SLC17A1: variants seen among roughly 807,000 people sequenced by gnomAD.
SLC17A1 encodes solute carrier family 17 member 1, also known as sodium-dependent phosphate transport protein 1.
A neutral mutation model predicts 53.5 loss-of-function variants in SLC17A1; 51 were observed. The ratio of observed to expected loss-of-function variants is 0.95; its 90% CI spans 0.76 to 1.20. The LOEUF (loss-of-function observed/expected upper bound fraction) is 1.20. Among genes scored for constraint, SLC17A1 ranks in the 50% most tolerant of loss-of-function variants. SLC17A1 has a pLI of 0.00. For synonymous variants in SLC17A1, 179 were observed against 198.8 expected, an observed-to-expected ratio of 0.90 and a Z score of 0.84; for missense variants, 538 against 568.2, an observed-to-expected ratio of 0.95 and a Z score of 0.54.
the SLC17A1 span, chr6:25,768,317 C>T: frequency 1.0e-6 from 1 of 955,934 alleles, no homozygotes; most frequent in Non-Finnish European, 1.2e-6. Flanking sequence ...CATACATTAC[C>T]TCTGGGATTT....
chr6:25,831,458 A>T (rs1764945828), intron 1 of SLC17A1, among the ~76,000 whole-genome samples: 1 of 152,272 alleles, frequency 6.6e-6, no homozygotes, highest in Non-Finnish European at 1.5e-5. Flanking sequence ...CAATACATAT[A>T]TACATACACA....
chr6:25,813,665 C>A (rs1764239318), intron 6 of SLC17A1, among the ~76,000 whole-genome samples: 1 of 152,142 alleles, frequency 6.6e-6, no homozygotes, highest in Admixed American at 6.5e-5. Context: ...CAGATTATTT[C>A]ATCACCCAGG....
At chr6:25,731,434 A>G in the SLC17A1 span, among the ~76,000 whole-genome samples, 5 of 152,202 alleles carry the variant, frequency 3.3e-5, no homozygotes, top group Non-Finnish European at 7.3e-5. Flanking sequence ...TTTTGCTGTC[A>G]TCGTAGAGTG....
chr6:25,729,598 A>G, the SLC17A1 span, among the ~76,000 whole-genome samples: 1 of 152,254 alleles, frequency 6.6e-6, no homozygotes, highest in Non-Finnish European at 1.5e-5. Flanking sequence ...TGAACTGATC[A>G]TCTACCTTCA....
chr6:25,808,649 A>G (rs1764042186), intron 10 of SLC17A1, among the ~76,000 whole-genome samples: 1 of 152,110 alleles, frequency 6.6e-6, no homozygotes, highest in African/African-American at 2.4e-5. Context: ...AGCATATGAA[A>G]AAACTTTCAA....
At chr6:25,814,759 G>A (rs543809525) in intron 6 of SLC17A1, among the ~76,000 whole-genome samples, 133 of 152,202 alleles carry the variant, frequency 8.7e-4, no homozygotes, top group Middle Eastern at 3.4e-3. Flanking sequence ...CGAGGCGGGC[G>A]GATCACGTGA....
chr6:25,759,007 G>A, the SLC17A1 span, among the ~76,000 whole-genome samples: 33 of 152,072 alleles, frequency 2.2e-4, no homozygotes, highest in African/African-American at 7.0e-4. Context: ...CACGGTTGTC[G>A]TTCAGTTCAA....
At chr6:25,810,362 A>G (rs551803167) in intron 10 of SLC17A1, among the ~76,000 whole-genome samples, 44 of 152,314 alleles carry the variant, frequency 2.9e-4, no homozygotes, top group Admixed American at 9.2e-4. Context: ...TAGACTATAC[A>G]TATAATAAGC....
At chr6:25,776,982 C>T in the SLC17A1 span, 4 of 1,585,150 alleles carry the variant, frequency 2.5e-6, no homozygotes, top group Non-Finnish European at 3.4e-6. Flanking sequence ...TTTGCCTCAT[C>T]CTTTCAGACA....
At chr6:25,763,052 C>A in the SLC17A1 span, among the ~76,000 whole-genome samples, 1 of 152,192 alleles carries the variant, frequency 6.6e-6, no homozygotes, top group Admixed American at 6.5e-5. Context: ...CATTTATGAG[C>A]TCATTATTAC....
intron 2 of SLC17A1, among the ~76,000 whole-genome samples, chr6:25,829,726 C>T (rs1764878956): frequency 6.6e-6 from 1 of 152,010 alleles, no homozygotes; most frequent in African/African-American, 2.4e-5. Context: ...GCATATCAAA[C>T]TCATGGACAG....
the SLC17A1 span, among the ~76,000 whole-genome samples, chr6:25,748,903 C>T: frequency 7.2e-5 from 11 of 152,234 alleles, no homozygotes; most frequent in Non-Finnish European, 1.2e-4. Context: ...CCTCCCGCCA[C>T]GGGGCAGTTT....
At chr6:25,778,050 A>G, downstream of SLC17A1, 1 of 1,237,328 alleles carries the variant, frequency 8.1e-7, no homozygotes, top group South Asian at 1.4e-5. Flanking sequence ...TATTCATAAA[A>G]GAAACCTATA....
At chr6:25,770,322 A>T in the SLC17A1 span, 1 of 1,613,860 alleles carries the variant, frequency 6.2e-7, no homozygotes, top group South Asian at 1.1e-5. Context: ...TTTTCCAGGT[A>T]TAAGTGGAAT....
At chr6:25,742,506 AC>A in the SLC17A1 span, among the ~76,000 whole-genome samples, 6 of 101,880 alleles carry the variant, frequency 5.9e-5, no homozygotes, top group African/African-American at 2.3e-4. Context: ...CAAACAAAAA[AC>A]AATACAAAAA....
At chr6:25,784,106 G>C (rs1412006189) in intron 12 of SLC17A1, among the ~76,000 whole-genome samples, 2 of 152,054 alleles carry the variant, frequency 1.3e-5, no homozygotes, top group Admixed American at 6.6e-5. Context: ...AGTTTTATTA[G>C]TTATTAAAAC....
intron 8 of SLC17A1, among the ~76,000 whole-genome samples, chr6:25,812,325 T>G (rs987281646): frequency 2.0e-4 from 30 of 152,308 alleles, no homozygotes; most frequent in African/African-American, 7.2e-4. Flanking sequence ...TATTATGGTA[T>G]TGAACAATAG....
At chr6:25,759,728 C>G in the SLC17A1 span, among the ~76,000 whole-genome samples, 1 of 152,208 alleles carries the variant, frequency 6.6e-6, no homozygotes. Flanking sequence ...CATGGAATAT[C>G]TAGTCCCACC....
chr6:25,748,594 T>C, the SLC17A1 span, among the ~76,000 whole-genome samples: 1 of 152,094 alleles, frequency 6.6e-6, no homozygotes, highest in Non-Finnish European at 1.5e-5. Context: ...AACAGTGGGC[T>C]CAGGAGACCG....
Sources: allele counts gnomAD v4.1 joint callset (sites outside exome capture counted in the v4.1 genomes callset), GRCh38; gene constraint gnomAD v4.1.1; transcripts MANE v1.5; gene names NCBI Gene and HGNC (gene_info 2026-07-23, HGNC 2026-07-21).